GOSR1: variants seen among roughly 807,000 people sequenced by gnomAD.
GOSR1 encodes the protein golgi SNAP receptor complex member 1.
GOSR1 carries 21 observed loss-of-function variants against 35.5 expected under a neutral mutation model. That is an observed-to-expected ratio of 0.59 (90% confidence interval 0.42 to 0.85). GOSR1 has a LOEUF of 0.85. Ranked by LOEUF, GOSR1 falls within the 40% of genes least tolerant of loss-of-function variation. GOSR1 has a pLI of 0.00. For synonymous variants in GOSR1, 94 were observed against 106.6 expected (o/e 0.88, Z 0.73); for missense variants, 285 against 309.6 (o/e 0.92, Z 0.60).
intron 5 of GOSR1, 180 bp downstream of exon 5, chr17:30,490,397 T>C: frequency 2.2e-6 from 1 of 459,034 alleles, no homozygotes; most frequent in Non-Finnish European, 4.0e-6. Context: ...CTTTTCCATT[T>C]TTATCTCATG....
intron 7 of GOSR1, among the ~76,000 whole-genome samples, chr17:30,517,640 C>G (rs1351836827): frequency 6.6e-6 from 1 of 150,676 alleles, no homozygotes; most frequent in Non-Finnish European, 1.5e-5. Flanking sequence ...TTTACTATTC[C>G]AAAAATGCTT....
intron 6 of GOSR1, among the ~76,000 whole-genome samples, chr17:30,502,261 A>G (rs1967238143): frequency 6.6e-6 from 1 of 152,236 alleles, no homozygotes; most frequent in Admixed American, 6.5e-5. Context: ...ACTCTTCTGT[A>G]TGATACTGCA....
intron 4 of GOSR1, 159 bp downstream of exon 4, chr17:30,484,929 G>C: frequency 1.5e-6 from 1 of 661,070 alleles, no homozygotes. Flanking sequence ...ACTTTTTTTT[G>C]GGGTCACCAT....
At chr17:30,482,315 A>T (rs1914410231) in intron 2 of GOSR1, among the ~76,000 whole-genome samples, 1 of 152,102 alleles carries the variant, frequency 6.6e-6, no homozygotes, top group Non-Finnish European at 1.5e-5. Context: ...TATGACTATC[A>T]CAGTTTAACC....
chr17:30,515,435 C>A (rs1178445875), intron 7 of GOSR1, among the ~76,000 whole-genome samples: 1 of 151,958 alleles, frequency 6.6e-6, no homozygotes, highest in African/African-American at 2.4e-5. Flanking sequence ...CGTGATCAGG[C>A]GGACCTGGCT....
chr17:30,495,596 G>C, intron 6 of GOSR1: 1 of 333,188 alleles, frequency 3.0e-6, no homozygotes, highest in Non-Finnish European at 6.0e-6. Context: ...TGTCACCTTA[G>C]CAATCTTCTG....
Position 30,522,494 on chromosome 17 carries a change from T to A in GOSR1, c.*116T>A, listed in dbSNP as rs563759843. 33 of 748,294 alleles carry A rather than the reference T, an allele frequency of 4.4e-5. 1 individual carries two copies. The South Asian group carries it at 9.8e-4, about 22-fold the overall frequency. 46.4% of individuals were successfully genotyped at this position (748,294 alleles called of 1,614,324 possible). A position where few individuals can be genotyped will look rare whatever the true frequency, so the allele number is the denominator to read the frequency against. On this transcript the variant is annotated 3_prime_UTR_variant, in exon 9 of 9. Coordinates refer to ENST00000451249, the MANE Select transcript of GOSR1 (RefSeq NM_001007025.2). ...TAATTAGCCTGACCAGCAGGATGAATGCAAGACTGACAGTGATGGACTCTG... is the reference window on the plus strand; with the variant it reads ...TAATTAGCCTGACCAGCAGGATGAAAGCAAGACTGACAGTGATGGACTCTG...
At position 30,481,133 on chromosome 17, in the gene GOSR1, T is replaced by C; in HGVS notation, c.32-10T>C. On this transcript the variant is annotated splice_polypyrimidine_tract_variant and intron_variant, in intron 1 of 8. Coordinates refer to ENST00000451249, the MANE Select transcript of GOSR1 (RefSeq NM_001007025.2). ...ATGTCTAATTATTTGTTGTTATAAT[T>C]TTGTTAAAGATCTCAGGAAACAGGC... 6.4e-7 allele frequency: 1 copy of C among 1,566,214 alleles called. No individual in the cohort carries two copies. The highest frequency in any genetic ancestry group is 8.8e-7 in the Non-Finnish European group (1 of 1,136,582).
chr17:30,512,166 T>C lies in GOSR1; in HGVS notation c.539+1257T>C, dbSNP rs139242349. On this transcript the variant is annotated intron_variant, in intron 7 of 8. Transcript: ENST00000451249. ...TATTAGATCTTAGATTTCTGTTCTT[T>C]AGATAATTAACTTCTTGGAACTTTC... Among the ~76,000 whole-genome samples the C allele has an allele frequency of 1.4e-4, 22 of 152,342 alleles. 1 individual carries two copies. In the East Asian group the frequency reaches 2.5e-3, roughly 17 times the overall value.
At chr17:30,500,849 A>G (rs541426959) in intron 6 of GOSR1, among the ~76,000 whole-genome samples, 4 of 152,260 alleles carry the variant, frequency 2.6e-5, no homozygotes, top group South Asian at 2.1e-4. Flanking sequence ...CAATCCAGGA[A>G]CAAGGTCTTA....
intron 6 of GOSR1, among the ~76,000 whole-genome samples, chr17:30,498,781 T>A (rs1967093447): frequency 6.6e-6 from 1 of 152,116 alleles, no homozygotes; most frequent in Non-Finnish European, 1.5e-5. Flanking sequence ...CAAAAGAAAG[T>A]GAGCAGTGGG....
chr17:30,481,431 C>T, intron 2 of GOSR1, 174 bp downstream of exon 2: 1 of 437,486 alleles, frequency 2.3e-6, no homozygotes, highest in Non-Finnish European at 4.2e-6. Context: ...TCTGAATTCT[C>T]GAGACTAGCA....
intron 6 of GOSR1, among the ~76,000 whole-genome samples, chr17:30,501,381 AC>A (rs1967198690): frequency 6.6e-6 from 1 of 152,200 alleles, no homozygotes. Flanking sequence ...CAAAACACTG[AC>A]AACATTAGAA....
chr17:30,515,696 T>A, intron 7 of GOSR1, among the ~76,000 whole-genome samples: 1 of 152,230 alleles, frequency 6.6e-6, no homozygotes, highest in Middle Eastern at 3.2e-3. Context: ...AATCATTGCT[T>A]GACTCATAAT....
rs1194972102 is a variant in GOSR1 at position 30,525,201 on chromosome 17, T to C, written c.*2823T>C. ...TAGTTCTCAGCTACATCATGGTGTATAGATGCTGTTATTCAGGCGAACTTG... is the reference window on the plus strand; with the variant it reads ...TAGTTCTCAGCTACATCATGGTGTACAGATGCTGTTATTCAGGCGAACTTG... On this transcript the variant is annotated 3_prime_UTR_variant, in exon 9 of 9. Coordinates refer to ENST00000451249, the MANE Select transcript of GOSR1 (RefSeq NM_001007025.2). 2.0e-5 allele frequency: 3 copies of C among 152,238 alleles called. No individual in the cohort carries two copies. The highest frequency in any genetic ancestry group is 4.4e-5 in the Non-Finnish European group (3 of 68,044). The allele number at this position is 152,238 out of a possible 1,614,324, so 9.4% of individuals were successfully genotyped here.
At chr17:30,516,229 G>A (rs968815537) in intron 7 of GOSR1, among the ~76,000 whole-genome samples, 9 of 152,112 alleles carry the variant, frequency 5.9e-5, no homozygotes, top group African/African-American at 2.2e-4. Flanking sequence ...CCAGCACTTT[G>A]GGAGGCTGAG....
chr17:30,491,956 G>T (rs1028452310), intron 5 of GOSR1, among the ~76,000 whole-genome samples: 2 of 151,952 alleles, frequency 1.3e-5, no homozygotes, highest in African/African-American at 2.4e-5. Flanking sequence ...CCTTGGTGGT[G>T]GTTTCTCCTG....
At chr17:30,510,678 C>T (rs1967581501) in intron 6 of GOSR1, 4 of 389,080 alleles carry the variant, frequency 1.0e-5, no homozygotes, top group Non-Finnish European at 1.9e-5. Context: ...TACACTACTG[C>T]ACTCCAGCCC....
chr17:30,480,131 AC>A (rs1914239009), intron 1 of GOSR1: 1 of 151,506 alleles, frequency 6.6e-6, no homozygotes, highest in Non-Finnish European at 1.5e-5. Context: ...ACATGGTGAA[AC>A]CCCGTCTTTA....
Sources: allele counts gnomAD v4.1 joint callset (sites outside exome capture counted in the v4.1 genomes callset), GRCh38; gene constraint gnomAD v4.1.1; transcripts MANE v1.5; gene names NCBI Gene and HGNC (gene_info 2026-07-23, HGNC 2026-07-21).